The following UBXN11 variants were observed in gnomAD, a reference collection of about 807,000 sequenced individuals.
UBXN11 encodes UBX domain protein 11.
UBXN11 carries 47 observed loss-of-function variants against 62.8 expected under a neutral mutation model. The observed-to-expected ratio is 0.75, with a 90% CI of 0.59 to 0.95. The LOEUF is 0.95. UBXN11 is among the 40% of genes least tolerant of loss of function. UBXN11 has a pLI of 0.00. For missense variants in UBXN11, 638 were observed against 661.7 expected (o/e 0.96, Z 0.39); for synonymous variants, 294 against 267.0 (o/e 1.10, Z -0.99).
chr1:26,301,415 T>TG (rs2073531353), intron 3 of UBXN11, among the ~76,000 whole-genome samples: 1 of 151,934 alleles, frequency 6.6e-6, no homozygotes, highest in Non-Finnish European at 1.5e-5. Flanking sequence ...GGCCCTCACT[T>TG]GGTTTCTAGG....
At chr1:26,294,901 TTCTG>T (rs1345073753) in intron 7 of UBXN11, among the ~76,000 whole-genome samples, 1 of 152,184 alleles carries the variant, frequency 6.6e-6, no homozygotes, top group Non-Finnish European at 1.5e-5. Flanking sequence ...ATGGGCACAT[TTCTG>T]TCTATCTTTC....
intron 12 of UBXN11, among the ~76,000 whole-genome samples, chr1:26,283,297 A>C (rs1234532550): frequency 1.3e-5 from 2 of 152,154 alleles, no homozygotes; most frequent in Admixed American, 1.3e-4. Flanking sequence ...AATGGAATGG[A>C]TGCAGGGATA....
chr1:26,290,622 G>A (rs1408976752), intron 8 of UBXN11, among the ~76,000 whole-genome samples: 4 of 152,168 alleles, frequency 2.6e-5, no homozygotes, highest in African/African-American at 4.8e-5. Flanking sequence ...GGCAAGTCAC[G>A]CAGGCTGCGG....
intron 10 of UBXN11, chr1:26,285,160 G>C: frequency 8.6e-7 from 1 of 1,156,742 alleles, no homozygotes; most frequent in Non-Finnish European, 1.1e-6. Context: ...GGACAGCCGG[G>C]CCACTTCTGC....
chr1:26,306,795 A>G (rs1489226518), upstream of UBXN11: 1 of 103,052 alleles, frequency 9.7e-6, no homozygotes. Context: ...CCCAGAATGC[A>G]CCGCTCTGAG....
At chr1:26,292,023 A>G (rs545607719) in intron 8 of UBXN11, among the ~76,000 whole-genome samples, 1 of 152,188 alleles carries the variant, frequency 6.6e-6, no homozygotes, top group African/African-American at 2.4e-5. Flanking sequence ...TTCTACTTAA[A>G]TCTCTCTGCC....
At chr1:26,294,420 C>A in intron 7 of UBXN11, 89 bp from the exon 8 acceptor site, 1 of 1,548,020 alleles carries the variant, frequency 6.5e-7, no homozygotes, top group South Asian at 1.2e-5. Flanking sequence ...CAGCCTCAGT[C>A]TGCAGGCAAT....
Position 26,285,450 on chromosome 1 carries a change from G to A in UBXN11, c.852+14C>T, listed in dbSNP as rs1381615620. 3.1e-6 allele frequency: 5 copies of A among 1,610,436 alleles called. No individual in the cohort carries two copies. Among genetic ancestry groups the A allele is most frequent in the East Asian group, 2.2e-5 (1 of 44,802 alleles). ...AAAATCCCCAAAGGTGTGGTTTGAG[G>A]AGCAGCTTATCACCTTAAAGGGGAC... On this transcript the variant is annotated intron_variant, in intron 10 of 14. Coordinates refer to ENST00000374222, the MANE Select transcript of UBXN11 (RefSeq NM_001389556.1).
chr1:26,284,655 C>T (rs189809421), intron 10 of UBXN11, 173 bp from the exon 11 acceptor site: 1 of 1,374,136 alleles, frequency 7.3e-7, no homozygotes. Flanking sequence ...GCTGTCATCT[C>T]CCTCAGCCCT....
Position 26,311,907 on chromosome 1 carries a change from A to G in UBXN11, c.-148-5203T>C, listed in dbSNP as rs533181396. On this transcript the variant is annotated intron_variant, in intron 1 of 14. Transcript: ENST00000374217. ...AGTTCCTCCAAGTCTCTTTAGCAGA[A>G]TACAAATCTAGCTATCTCTTCCACC... 2.0e-5 allele frequency among the ~76,000 whole-genome samples: 3 copies of G among 152,318 alleles called. No homozygotes were observed. In the South Asian group the frequency reaches 6.2e-4, roughly 32 times the overall value.
intron 1 of UBXN11, 144 bp from the exon 2 acceptor site, chr1:26,303,062 C>G: frequency 1.8e-6 from 1 of 568,120 alleles, no homozygotes; most frequent in South Asian, 2.4e-5. Flanking sequence ...CTTCCACTGT[C>G]TCCACAGAGG....
At chr1:26,317,861 A>G in intron 1 of UBXN11, 2 of 640,616 alleles carry the variant, frequency 3.1e-6, no homozygotes, top group South Asian at 1.8e-5. Context: ...AGGAAGCCAC[A>G]CCCCTCCTCC....
chr1:26,297,662 G>A (rs932834649), intron 5 of UBXN11, among the ~76,000 whole-genome samples, 181 bp from the exon 6 acceptor site: 4 of 152,186 alleles, frequency 2.6e-5, no homozygotes, highest in Non-Finnish European at 4.4e-5. Flanking sequence ...GGTAGGGAGA[G>A]GTGCGGCCCA....
intron 1 of UBXN11, among the ~76,000 whole-genome samples, chr1:26,304,626 A>G (rs1210677573): frequency 6.6e-6 from 1 of 152,038 alleles, no homozygotes; most frequent in Non-Finnish European, 1.5e-5. Context: ...GGTGGCAGGC[A>G]CCTGTAATCC....
chr1:26,285,598 T>G, intron 9 of UBXN11, 57 bp from the exon 10 acceptor site: 1 of 1,484,560 alleles, frequency 6.7e-7, no homozygotes, highest in South Asian at 1.3e-5. Context: ...CACCCTGCCC[T>G]GCCACTGGTC....
upstream of UBXN11, among the ~76,000 whole-genome samples, chr1:26,309,523 C>A (rs1403719472): frequency 2.0e-5 from 3 of 152,130 alleles, no homozygotes; most frequent in Non-Finnish European, 4.4e-5. Context: ...CAGGTGTGAG[C>A]CACCGTGCCC....
At chr1:26,317,613 G>A (rs555497865) in intron 1 of UBXN11, among the ~76,000 whole-genome samples, 7 of 152,188 alleles carry the variant, frequency 4.6e-5, no homozygotes, top group South Asian at 2.1e-4. Context: ...CATGTAATCC[G>A]GCAGTTCTTT....
upstream of UBXN11, among the ~76,000 whole-genome samples, chr1:26,311,629 G>C (rs756668962): frequency 2.6e-5 from 4 of 151,714 alleles, no homozygotes; most frequent in Non-Finnish European, 5.9e-5. Context: ...TTTTAGTAGA[G>C]ACAGAGTTTC....
intron 1 of UBXN11, among the ~76,000 whole-genome samples, chr1:26,303,895 A>G (rs1040476831): frequency 5.3e-5 from 8 of 152,148 alleles, no homozygotes; most frequent in African/African-American, 1.9e-4. Flanking sequence ...AGCACTCGTA[A>G]ATGTTAGTTT....
Sources: allele counts gnomAD v4.1 joint callset (sites outside exome capture counted in the v4.1 genomes callset), GRCh38; gene constraint gnomAD v4.1.1; transcripts MANE v1.5; gene names NCBI Gene and HGNC (gene_info 2026-07-23, HGNC 2026-07-21).